Variants in PDS5A observed in about 807,000 individuals in gnomAD.
The protein encoded by PDS5A is PDS5 cohesin associated factor A.
In PDS5A, 42 loss-of-function variants were observed where a neutral mutation model predicts 167.1. That is an observed-to-expected ratio of 0.25 (90% CI 0.20 to 0.33). PDS5A has a LOEUF of 0.33. PDS5A is among the 10% of genes least tolerant of loss of function. The pLI is 1.00. For synonymous variants in PDS5A, 553 were observed against 554.6 expected (o/e 1.00, Z 0.04); for missense variants, 1,033 against 1,605.9 (o/e 0.64, Z 6.10).
In PDS5A at chr4:39,877,027, G is replaced by A; in HGVS notation, c.2119C>T (p.His707Tyr). ...TGGGGAAGGTCTGTTTCTATTTTGT[G>A]ACCTGTATTTCTAAAAATTTGAATA... ...AAIQIFRNTG[H>Y]KIETDLPQIR... Residue 707 changes from histidine (H) to tyrosine (Y), a missense_variant, in exon 19 of 33, where the codon CAC becomes TAC. By Grantham distance (83) the His-to-Tyr change is moderately conservative. Around this residue, in one of 4 missense-constraint regions of PDS5A, gnomAD observed 367 missense variants for 686.7 expected, o/e 0.53. Transcript: ENST00000303538. 1 of 1,612,128 alleles carries A rather than the reference G, an allele frequency of 6.2e-7. No individual in the cohort carries two copies. The highest frequency in any genetic ancestry group is 1.1e-5 in the South Asian group (1 of 90,848).
In PDS5A at chr4:39,825,227, C is replaced by T. The variant is rs944542148; in HGVS notation, c.*258G>A. 5 of 376,320 alleles carry T rather than the reference C, an allele frequency of 1.3e-5. No homozygotes were observed. The highest frequency in any genetic ancestry group is 4.5e-5 in the Admixed American group (1 of 22,434). 23.3% of individuals were successfully genotyped at this position (376,320 alleles called of 1,614,324 possible). On this transcript the variant is annotated 3_prime_UTR_variant, in exon 33 of 33. Transcript: ENST00000303538. Reference sequence around the variant, plus strand: ...GCAATTTGCTTAATTATTGACTTTTCGTAAGAAAAGTCTAGGGGAAGGGGG... The same window carrying T: ...GCAATTTGCTTAATTATTGACTTTTTGTAAGAAAAGTCTAGGGGAAGGGGG...
intron 14 of PDS5A, among the ~76,000 whole-genome samples, 178 bp from the exon 15 acceptor site, chr4:39,899,003 T>C (rs1722652996): frequency 6.6e-6 from 1 of 152,132 alleles, no homozygotes; most frequent in African/African-American, 2.4e-5. Flanking sequence ...CAACAAAGAA[T>C]TACATAGTAG....
chr4:39,867,774 A>C (rs7688600), intron 22 of PDS5A, among the ~76,000 whole-genome samples: 7,183 of 108,506 alleles, frequency 0.066, 230 homozygotes, highest in East Asian at 0.2. Context: ...ACACACACAC[A>C]CCCCACAACT....
chr4:39,976,675 T>C (rs1659514308), intron 1 of PDS5A, 58 bp from the exon 2 acceptor site: 1 of 858,178 alleles, frequency 1.2e-6, no homozygotes, highest in Non-Finnish European at 1.8e-6. Context: ...ACCTCTTTTT[T>C]CATTTCAAAT....
At chr4:39,972,110 A>G (rs1368584092) in intron 2 of PDS5A, among the ~76,000 whole-genome samples, 1 of 152,214 alleles carries the variant, frequency 6.6e-6, no homozygotes. Flanking sequence ...CTCGATGCTC[A>G]TTCTCCACTG....
chr4:39,840,686 G>A (rs1716916403), intron 31 of PDS5A, among the ~76,000 whole-genome samples: 1 of 151,974 alleles, frequency 6.6e-6, no homozygotes, highest in Non-Finnish European at 1.5e-5. Context: ...GTGAGCCACT[G>A]CGCCGGGTCG....
intron 2 of PDS5A, among the ~76,000 whole-genome samples, chr4:39,948,450 G>A (rs1208587829): frequency 6.7e-6 from 1 of 148,350 alleles, no homozygotes; most frequent in East Asian, 2.0e-4. Flanking sequence ...TCAGCCTCCC[G>A]AGTAGCTGGG....
chr4:39,961,323 G>C (rs1729458168), intron 2 of PDS5A, among the ~76,000 whole-genome samples: 1 of 151,768 alleles, frequency 6.6e-6, no homozygotes, highest in Non-Finnish European at 1.5e-5. Context: ...TTTTGAGATG[G>C]AGTCTTGCTA....
intron 16 of PDS5A, among the ~76,000 whole-genome samples, chr4:39,892,828 G>C (rs1235238729): frequency 6.6e-6 from 1 of 152,214 alleles, no homozygotes; most frequent in Non-Finnish European, 1.5e-5. Context: ...AGAGATTCAT[G>C]ATGCTACATC....
At chr4:39,835,388 G>A (rs537642469) in intron 32 of PDS5A, among the ~76,000 whole-genome samples, 6 of 152,134 alleles carry the variant, frequency 3.9e-5, no homozygotes, top group Non-Finnish European at 8.8e-5. Flanking sequence ...TAAAGAGAAG[G>A]CCAAATGCCA....
chr4:39,961,768 A>G (rs1190541363), intron 2 of PDS5A, among the ~76,000 whole-genome samples: 1 of 152,230 alleles, frequency 6.6e-6, no homozygotes, highest in Admixed American at 6.5e-5. Context: ...AAAAGCCAAC[A>G]GAAATAAAAT....
intron 2 of PDS5A, among the ~76,000 whole-genome samples, chr4:39,937,329 C>T (rs1184837261): frequency 2.8e-5 from 4 of 145,042 alleles, no homozygotes; most frequent in South Asian, 2.2e-4. Context: ...AAGATCAGAT[C>T]GATTATTATA....
intron 3 of PDS5A, among the ~76,000 whole-genome samples, chr4:39,927,265 T>C (rs1484816313): frequency 6.6e-6 from 1 of 152,162 alleles, no homozygotes; most frequent in Non-Finnish European, 1.5e-5. Context: ...TTTTAGCCAA[T>C]GTTTTGAAGT....
At chr4:39,861,284 C>T (rs1718971003) in intron 26 of PDS5A, among the ~76,000 whole-genome samples, 1 of 151,896 alleles carries the variant, frequency 6.6e-6, no homozygotes, top group Non-Finnish European at 1.5e-5. Context: ...AAAACTCCAT[C>T]TCTAACAAAA....
At chr4:39,898,861 CAT>C in intron 14 of PDS5A, 36 bp from the exon 15 acceptor site, 2 of 1,409,998 alleles carry the variant, frequency 1.4e-6, no homozygotes, top group South Asian at 1.2e-5. Flanking sequence ...AACAACTAGT[CAT>C]ATGTGTTAAC....
At chr4:39,960,284 AAAC>A (rs1420521970) in intron 2 of PDS5A, among the ~76,000 whole-genome samples, 2 of 152,074 alleles carry the variant, frequency 1.3e-5, no homozygotes, top group Non-Finnish European at 2.9e-5. Context: ...ACAAAAACAA[AAAC>A]AACAAAAACA....
intron 17 of PDS5A, among the ~76,000 whole-genome samples, chr4:39,888,226 A>C (rs1354071492): frequency 1.4e-5 from 2 of 143,404 alleles, no homozygotes; most frequent in Non-Finnish European, 3.0e-5. Context: ...AGCTGGTGAC[A>C]GAGCAAGACT....
At position 39,824,232 on chromosome 4, in the gene PDS5A, G is replaced by C. The variant is rs1288579277; in HGVS notation, c.*1253C>G. 1 of 152,272 alleles carries C rather than the reference G, an allele frequency of 6.6e-6. No homozygotes were observed. The highest frequency in any genetic ancestry group is 2.4e-5 in the African/African-American group (1 of 41,546). 9.4% of individuals were successfully genotyped at this position (152,272 alleles called of 1,614,324 possible). ...TATTTTATATAGATAATGGAGAGTTGACTGTAATCATGTTATGACTTTAGC... is the reference window on the plus strand; with the variant it reads ...TATTTTATATAGATAATGGAGAGTTCACTGTAATCATGTTATGACTTTAGC... On this transcript the variant is annotated 3_prime_UTR_variant, in exon 33 of 33. Coordinates refer to ENST00000303538, the MANE Select transcript of PDS5A (RefSeq NM_001100399.2).
intron 26 of PDS5A, among the ~76,000 whole-genome samples, chr4:39,859,405 C>T (rs1025394330): frequency 5.9e-5 from 9 of 152,086 alleles, no homozygotes; most frequent in African/African-American, 2.2e-4. Context: ...CTCAGCCTTC[C>T]AAGTAGCTGG....
Sources: gnomAD v4.1 joint callset for allele counts (sites outside exome capture counted in the v4.1 genomes callset) on GRCh38, gnomAD v4.1.1 for gene constraint, gnomAD v4.1.1 regional missense constraint, MANE v1.5 for transcripts, NCBI Gene and HGNC (gene_info 2026-07-23, HGNC 2026-07-21) for gene names.